Variants in LONRF1 observed in about 807,000 individuals in gnomAD.
The protein encoded by LONRF1 is LON peptidase N-terminal domain and ring finger 1.
A neutral mutation model predicts 85.8 loss-of-function variants in LONRF1; 37 were observed. The observed-to-expected ratio is 0.43, with a 90% CI of 0.33 to 0.57. The LOEUF is 0.57. LONRF1 is among the 20% of genes least tolerant of loss of function. The pLI, the probability that LONRF1 is intolerant of heterozygous loss-of-function variation, is 0.04. For synonymous variants in LONRF1, 517 were observed against 390.1 expected, an observed-to-expected ratio of 1.33 and a Z score of -3.83; for missense variants, 1,036 against 978.0, an observed-to-expected ratio of 1.06 and a Z score of -0.79.
intron 7 of LONRF1, among the ~76,000 whole-genome samples, chr8:12,734,478 T>C (rs1232983456): frequency 2.0e-5 from 3 of 152,180 alleles, no homozygotes; most frequent in Non-Finnish European, 4.4e-5. Context: ...CGCTACAAAC[T>C]GCAATTGCCT....
chr8:12,740,951 C>G lies in LONRF1; in HGVS notation c.886G>C (p.Gly296Arg). ...TGAAGAAAGAGTTGTAAGGCATCAC[C>G]TAAAAAACCAGCATCGCAGAGTACT... ...GKVLCDAGFLGDALQLFLQCL... is the reference protein window; with the variant it reads ...GKVLCDAGFLRDALQLFLQCL... The change falls in exon 3 of 12, where the codon GGT becomes CGT. Residue 296 changes from glycine to arginine, a missense_variant. By Grantham distance (125) the Gly-to-Arg change is moderately radical (BLOSUM62 -2). Around this residue, in one of 3 missense-constraint regions of LONRF1, gnomAD observed 742 missense variants for 614.4 expected, o/e 1.21. Coordinates refer to ENST00000398246, the MANE Select transcript of LONRF1 (RefSeq NM_152271.5). 1 of 1,613,586 alleles carries G rather than the reference C, an allele frequency of 6.2e-7. No individual in the cohort carries two copies. Among genetic ancestry groups the G allele is most frequent in the African/African-American group, 1.3e-5 (1 of 74,976 alleles).
intron 7 of LONRF1, among the ~76,000 whole-genome samples, chr8:12,732,366 G>A (rs909071487): frequency 7.9e-5 from 12 of 152,114 alleles, no homozygotes; most frequent in Admixed American, 3.9e-4. Flanking sequence ...TTGAGTAGAG[G>A]AGCAGACCTC....
At chr8:12,743,955 A>T (rs1180595193) in intron 1 of LONRF1, among the ~76,000 whole-genome samples, 2 of 152,128 alleles carry the variant, frequency 1.3e-5, no homozygotes, top group African/African-American at 4.8e-5. Flanking sequence ...TAAGAAGCCA[A>T]ATTATTATCC....
intron 1 of LONRF1, among the ~76,000 whole-genome samples, chr8:12,748,505 TATAAAG>T (rs1229685877): frequency 6.6e-6 from 1 of 152,226 alleles, no homozygotes; most frequent in Non-Finnish European, 1.5e-5. Flanking sequence ...CCTAGAAAGT[TATAAAG>T]ATATACAACA....
chr8:12,752,947 GC>G (rs2117363016), intron 1 of LONRF1: 1 of 152,326 alleles, frequency 6.6e-6, no homozygotes, highest in Admixed American at 6.5e-5. Flanking sequence ...ATACAGCACT[GC>G]CTCTCTACCA....
At chr8:12,734,310 C>T (rs551131174) in intron 7 of LONRF1, among the ~76,000 whole-genome samples, 1 of 152,154 alleles carries the variant, frequency 6.6e-6, no homozygotes, top group Non-Finnish European at 1.5e-5. Flanking sequence ...TAATAACAGA[C>T]ATGCTATTAT....
chr8:12,738,435 G>C (rs370766642), intron 3 of LONRF1, among the ~76,000 whole-genome samples: 7 of 152,116 alleles, frequency 4.6e-5, no homozygotes, highest in Non-Finnish European at 8.8e-5. Context: ...ACTATAAAAA[G>C]ATCTTAAAAG....
chr8:12,753,668 C>T (rs963989058), intron 1 of LONRF1: 2 of 152,202 alleles, frequency 1.3e-5, no homozygotes, highest in African/African-American at 2.4e-5. Context: ...TGGTAGAGAA[C>T]TACTGATTTA....
At chr8:12,746,173 T>A (rs974880115) in intron 1 of LONRF1, among the ~76,000 whole-genome samples, 1 of 152,224 alleles carries the variant, frequency 6.6e-6, no homozygotes, top group African/African-American at 2.4e-5. Context: ...TCTCTAATAC[T>A]ATTGCAATAG....
intron 1 of LONRF1, among the ~76,000 whole-genome samples, chr8:12,748,290 G>A (rs918775926): frequency 4.6e-5 from 7 of 151,946 alleles, no homozygotes; most frequent in African/African-American, 7.3e-5. Context: ...CCGCAGCCTC[G>A]ACCTCCTATG....
At chr8:12,751,389 C>G (rs541752665) in intron 1 of LONRF1, among the ~76,000 whole-genome samples, 1 of 137,808 alleles carries the variant, frequency 7.3e-6, no homozygotes, top group East Asian at 2.2e-4. Flanking sequence ...TAACTGCAAC[C>G]TCCACTTTCC....
chr8:12,727,730 T>A (rs1229126530), intron 10 of LONRF1, among the ~76,000 whole-genome samples: 3 of 152,232 alleles, frequency 2.0e-5, no homozygotes, highest in Admixed American at 6.5e-5. Flanking sequence ...GTGATTCCAT[T>A]AACCAAGTAT....
intron 2 of LONRF1, 117 bp downstream of exon 2, chr8:12,743,047 T>G: frequency 1.4e-6 from 1 of 711,586 alleles, no homozygotes; most frequent in South Asian, 1.6e-5. Flanking sequence ...TCTAGAGCAC[T>G]AGATATTTTA....
At chr8:12,727,671 A>G (rs574804161) in intron 10 of LONRF1, among the ~76,000 whole-genome samples, 15 of 152,204 alleles carry the variant, frequency 9.9e-5, no homozygotes, top group Non-Finnish European at 1.6e-4. Flanking sequence ...ATAAATTTAC[A>G]CAAAACTGAA....
At chr8:12,727,380 G>T (rs907002095) in intron 10 of LONRF1, 2 of 151,124 alleles carry the variant, frequency 1.3e-5, no homozygotes, top group African/African-American at 4.9e-5. Flanking sequence ...AGAAGTCACA[G>T]AAAACAGAAT....
rs560020089 is a variant in LONRF1 at position 12,743,245 on chromosome 8, T to C, written c.759A>G (p.Glu253=). 3 of 1,612,072 alleles carry C rather than the reference T, an allele frequency of 1.9e-6. No individual in the cohort carries two copies. ...TAAACTCTTGGAGACCAGCATATGA[T>C]TCCGCTCTGTAAATTTTTACAATCA... The part of the protein sequence containing the change: ...SDLIVKIYRA[E]SYAGLQEFKA... The change falls in exon 2 of 12, where the codon GAA becomes GAG. Residue 253 remains glutamate (E), a synonymous_variant. Transcript: ENST00000398246.
intron 2 of LONRF1, among the ~76,000 whole-genome samples, chr8:12,742,481 A>G (rs1328426627): frequency 6.6e-6 from 1 of 152,194 alleles, no homozygotes; most frequent in African/African-American, 2.4e-5. Flanking sequence ...TCACTGCCTA[A>G]TCATCTAGTT....
At position 12,734,214 on chromosome 8, in the gene LONRF1, C is replaced by G. The variant is rs182488110; in HGVS notation, c.1566+1072G>C. Among the ~76,000 whole-genome samples, 9 of 150,922 alleles carry G rather than the reference C, an allele frequency of 6.0e-5. No homozygotes were observed. The East Asian group carries it at 1.8e-3, about 30-fold the overall frequency. On this transcript the variant is annotated intron_variant, in intron 7 of 11. Transcript: ENST00000398246. Reference sequence around the variant, plus strand: ...CAAACTCTTTTAAGAATAAATGTATCTGATGTTTCCTGACTTTGAGAAAAT... The same window carrying G: ...CAAACTCTTTTAAGAATAAATGTATGTGATGTTTCCTGACTTTGAGAAAAT...
intron 7 of LONRF1, among the ~76,000 whole-genome samples, chr8:12,732,984 G>A (rs1798584381): frequency 6.6e-6 from 1 of 152,166 alleles, no homozygotes; most frequent in Admixed American, 6.5e-5. Context: ...AAATGCGAGA[G>A]GTTGGGAAAC....
Sources: gnomAD v4.1 joint callset for allele counts (sites outside exome capture counted in the v4.1 genomes callset) on GRCh38, gnomAD v4.1.1 for gene constraint, gnomAD v4.1.1 regional missense constraint, MANE v1.5 for transcripts, NCBI Gene and HGNC (gene_info 2026-07-23, HGNC 2026-07-21) for gene names.